SLCO1C1: variants seen among roughly 807,000 people sequenced by gnomAD.
SLCO1C1 encodes the protein solute carrier organic anion transporter family member 1C1, also known as OAT-RP-5.
In SLCO1C1, 70 loss-of-function variants were observed where a neutral mutation model predicts 76.4. That is an observed-to-expected ratio of 0.92 (90% CI 0.76 to 1.12). SLCO1C1 has a LOEUF of 1.12. Among genes scored for constraint, SLCO1C1 ranks in the 50% most tolerant of loss-of-function variants. SLCO1C1 has a pLI of 0.00. For synonymous variants in SLCO1C1, 306 were observed against 286.1 expected (o/e 1.07, Z -0.70); for missense variants, 912 against 823.8 (o/e 1.11, Z -1.31).
At chr12:20,698,239 C>T (rs972857026) in intron 1 of SLCO1C1, among the ~76,000 whole-genome samples, 1 of 151,494 alleles carries the variant, frequency 6.6e-6, no homozygotes, top group Non-Finnish European at 1.5e-5. Context: ...CTTTGTTTTG[C>T]TTATTTTTTG....
chr12:20,738,243 G>A (rs756320975), intron 11 of SLCO1C1, among the ~76,000 whole-genome samples: 9 of 152,146 alleles, frequency 5.9e-5, no homozygotes, highest in Non-Finnish European at 8.8e-5. Flanking sequence ...TGTGAAGGAT[G>A]TAAAGTACTT....
chr12:20,701,396 A>C lies in SLCO1C1; in HGVS notation c.208A>C (p.Ile70Leu), dbSNP rs1946518797. 4 of 1,555,652 alleles carry C rather than the reference A, an allele frequency of 2.6e-6. No individual in the cohort carries two copies. Among genetic ancestry groups the C allele is most frequent in the Non-Finnish European group, 3.5e-6 (4 of 1,137,882 alleles). ...EGYLKSTITQIERRFDIPSSL... is the reference protein window; with the variant it reads ...EGYLKSTITQLERRFDIPSSL... ...CTATCTGAAGAGCACCATCACTCAG[A>C]TAGAGAGAAGGTTTGATATCCCTTC... The change falls in exon 3 of 15, where the codon ATA becomes CTA. Residue 70 changes from isoleucine to leucine, a missense_variant. Transcript: ENST00000266509.
At chr12:20,710,419 A>G (rs1327233251) in intron 4 of SLCO1C1, among the ~76,000 whole-genome samples, 1 of 151,888 alleles carries the variant, frequency 6.6e-6, no homozygotes, top group Non-Finnish European at 1.5e-5. Flanking sequence ...TGCCTGAATA[A>G]AATGAGAATC....
In SLCO1C1 at chr12:20,724,433, ATATATATATATATATATATG is replaced by A. The variant is rs1189435966; in HGVS notation, c.1186+1181_1186+1200del. Reference sequence around the variant, plus strand: ...TGTGTATATATATATATATATATATATATATATATATATATATATGTGTGTGTGTGTGTGTGTGTGTGTGT... The same window carrying A: ...TGTGTATATATATATATATATATATATGTGTGTGTGTGTGTGTGTGTGTGT... On this transcript the variant is annotated intron_variant, in intron 9 of 14. Coordinates refer to ENST00000266509, the MANE Select transcript of SLCO1C1 (RefSeq NM_017435.5). Among the ~76,000 whole-genome samples, 372 of 132,844 alleles carry A rather than the reference ATATATATATATATATATATG, an allele frequency of 2.8e-3. 4 individuals carry two copies. Among genetic ancestry groups the A allele is most frequent in the Non-Finnish European group, 3.1e-3 (195 of 62,544 alleles). 87.2% of individuals were successfully genotyped at this position (132,844 alleles called of 152,430 possible).
At chr12:20,731,498 G>A (rs1948260529) in intron 9 of SLCO1C1, among the ~76,000 whole-genome samples, 1 of 152,128 alleles carries the variant, frequency 6.6e-6, no homozygotes, top group South Asian at 2.1e-4. Context: ...GTCAGACATG[G>A]CTACTTGAGA....
At position 20,723,239 on chromosome 12, in the gene SLCO1C1, G is replaced by A. The variant is rs1947770904; in HGVS notation, c.1171G>A (p.Ala391Thr). Residue 391 changes from alanine (A) to threonine (T), a missense_variant, in exon 9 of 15, where the codon GCC becomes ACC. Ala to Thr is a moderately conservative substitution (Grantham distance 58, BLOSUM62 0). Coordinates refer to ENST00000266509, the MANE Select transcript of SLCO1C1 (RefSeq NM_017435.5). The part of the protein sequence containing the change: ...EQQYGQSSSR[A>T]NFVIGLINIP... ...GCAGTATGGACAGTCATCCTCCAGG[G>A]CCAACTTTGTGATCGGTATGCTCAT... The A allele has an allele frequency of 6.2e-7, 1 of 1,613,532 alleles. No individual in the cohort carries two copies. Among genetic ancestry groups the A allele is most frequent in the Non-Finnish European group, 8.5e-7 (1 of 1,179,810 alleles).
At chr12:20,750,531 T>G (rs2120941748) in intron 13 of SLCO1C1, 144 bp from the exon 14 acceptor site, 2 of 696,366 alleles carry the variant, frequency 2.9e-6, no homozygotes, top group Non-Finnish European at 5.0e-6. Context: ...ATTAGAGAGA[T>G]AGGTTTGGGA....
Position 20,722,049 on chromosome 12 carries a change from G to C in SLCO1C1, c.1021G>C (p.Asp341His). The change falls in exon 8 of 15, where the codon GAT becomes CAT. Residue 341 changes from aspartate (D) to histidine (H), a missense_variant and splice_region_variant. By Grantham distance (81) the Asp-to-His change is moderately conservative. Coordinates refer to ENST00000266509, the MANE Select transcript of SLCO1C1 (RefSeq NM_017435.5). ...TGCAAAAATAATGGAAATGGCAAGA[G>C]GTAAGTCAAATTCTTGATTTTGAAG... is the stretch of plus-strand genomic sequence containing the variant. ...ENAKIMEMAR[D>H]FLPSLKNLFG... 1.2e-6 allele frequency: 2 copies of C among 1,610,782 alleles called. No individual in the cohort carries two copies. The highest frequency in any genetic ancestry group is 4.5e-5 in the East Asian group (2 of 44,860).
intron 13 of SLCO1C1, among the ~76,000 whole-genome samples, chr12:20,750,257 G>C (rs931182162): frequency 6.6e-5 from 10 of 152,286 alleles, no homozygotes; most frequent in Admixed American, 2.6e-4. Flanking sequence ...GGAAAGAAGA[G>C]AAAGTGTTTA....
intron 14 of SLCO1C1, among the ~76,000 whole-genome samples, chr12:20,751,678 C>A (rs1949315464): frequency 6.6e-6 from 1 of 152,076 alleles, no homozygotes; most frequent in Non-Finnish European, 1.5e-5. Context: ...AGAGACAATG[C>A]AACTCAATCA....
In SLCO1C1 at chr12:20,711,654, C is replaced by G. The variant is rs1365048191; in HGVS notation, c.529+144C>G. 5.0e-6 allele frequency: 4 copies of G among 797,446 alleles called. No homozygotes were observed. The East Asian group carries it at 1.1e-4, about 22-fold the overall frequency. 49.4% of individuals were successfully genotyped at this position (797,446 alleles called of 1,614,324 possible). Reference sequence around the variant, plus strand: ...AGATATCACAGTACCATAAAAATTCCTAGAATATAAAGCAGTATATGATTA... The same window carrying G: ...AGATATCACAGTACCATAAAAATTCGTAGAATATAAAGCAGTATATGATTA... On this transcript the variant is annotated intron_variant, in intron 5 of 14. Transcript: ENST00000266509.
At chr12:20,741,576 C>T (rs1286738626) in intron 12 of SLCO1C1, among the ~76,000 whole-genome samples, 3 of 152,084 alleles carry the variant, frequency 2.0e-5, no homozygotes, top group Non-Finnish European at 4.4e-5. Flanking sequence ...TACATATTTC[C>T]TTCTTCCTGT....
chr12:20,720,402 A>G (rs1947606332), intron 7 of SLCO1C1, among the ~76,000 whole-genome samples: 1 of 152,190 alleles, frequency 6.6e-6, no homozygotes, highest in Admixed American at 6.5e-5. Context: ...AGCTATAGCT[A>G]TGATCAGTAG....
intron 3 of SLCO1C1, 41 bp downstream of exon 3, chr12:20,701,500 A>G (rs1946524463): frequency 7.1e-7 from 1 of 1,410,198 alleles, no homozygotes; most frequent in African/African-American, 1.4e-5. Flanking sequence ...TAAGCCCAAG[A>G]TCTTCTAGGT....
intron 13 of SLCO1C1, among the ~76,000 whole-genome samples, chr12:20,743,857 T>A (rs1260767919): frequency 2.9e-5 from 4 of 139,206 alleles, no homozygotes; most frequent in Admixed American, 7.8e-5. Context: ...AGGTCATACT[T>A]TAAATTGTAA....
chr12:20,698,476 G>T (rs372908236), intron 1 of SLCO1C1, among the ~76,000 whole-genome samples: 3 of 151,956 alleles, frequency 2.0e-5, no homozygotes, highest in East Asian at 3.9e-4. Context: ...AAAGCAAATC[G>T]TTTATACTAT....
chr12:20,718,303 G>A (rs1197460904), intron 7 of SLCO1C1, among the ~76,000 whole-genome samples: 1 of 152,080 alleles, frequency 6.6e-6, no homozygotes, highest in Non-Finnish European at 1.5e-5. Flanking sequence ...AGGGCCATGT[G>A]TTTATTTCAT....
At chr12:20,739,525 C>A (rs1390962025) in intron 11 of SLCO1C1, among the ~76,000 whole-genome samples, 3 of 151,662 alleles carry the variant, frequency 2.0e-5, no homozygotes, top group African/African-American at 7.3e-5. Flanking sequence ...AATAGCAGGG[C>A]CGTGAGGCAT....
At chr12:20,705,551 T>G (rs1565500911) in intron 3 of SLCO1C1, among the ~76,000 whole-genome samples, 2 of 152,018 alleles carry the variant, frequency 1.3e-5, no homozygotes, top group Non-Finnish European at 2.9e-5. Flanking sequence ...CATGAGCAAT[T>G]AGAACACTAA....
Sources: allele counts gnomAD v4.1 joint callset (sites outside exome capture counted in the v4.1 genomes callset), GRCh38; gene constraint gnomAD v4.1.1; transcripts MANE v1.5; gene names NCBI Gene and HGNC (gene_info 2026-07-23, HGNC 2026-07-21).